Variants in C2orf92 observed in about 807,000 individuals in gnomAD.
C2orf92 encodes the protein uncharacterized protein C2orf92.
exon 1 of C2orf92, chr2:97,664,449 T>A (rs543268397): frequency 6.6e-6 from 1 of 152,310 alleles, no homozygotes; most frequent in Non-Finnish European, 1.5e-5. Flanking sequence ...TCACCCAAAA[T>A]ATTTATTTTT....
intron 6 of C2orf92, among the ~76,000 whole-genome samples, chr2:97,700,896 A>AT (rs796369120): frequency 9.9e-5 from 15 of 151,624 alleles, no homozygotes; most frequent in African/African-American, 2.7e-4. Flanking sequence ...CGCCCGGCTA[A>AT]TTTTTTTTGT....
chr2:97,678,302 G>C (rs1220139774), intron 3 of C2orf92, among the ~76,000 whole-genome samples: 5 of 151,470 alleles, frequency 3.3e-5, no homozygotes, highest in African/African-American at 1.2e-4. Flanking sequence ...AAAATGAATT[G>C]AACATGTGGG....
At chr2:97,676,913 T>C (rs1479774330) in intron 3 of C2orf92, among the ~76,000 whole-genome samples, 4 of 152,186 alleles carry the variant, frequency 2.6e-5, no homozygotes, top group Non-Finnish European at 4.4e-5. Flanking sequence ...GCCTCTAATT[T>C]ACTATTTGAG....
chr2:97,690,435 C>G, intron 5 of C2orf92, 108 bp downstream of exon 5: 2 of 380,426 alleles, frequency 5.3e-6, no homozygotes, highest in Non-Finnish European at 9.3e-6. Context: ...GGCTGGAGTA[C>G]AGCGGTGCAG....
intron 3 of C2orf92, among the ~76,000 whole-genome samples, chr2:97,687,148 TGAGG>T (rs146478942): frequency 0.045 from 6,824 of 152,186 alleles, 485 homozygotes; most frequent in African/African-American, 0.15. Context: ...GAGGATCACT[TGAGG>T]CCAGGAGTTC....
intron 3 of C2orf92, among the ~76,000 whole-genome samples, chr2:97,681,129 A>C (rs1250292899): frequency 1.6e-5 from 2 of 121,364 alleles, no homozygotes; most frequent in Non-Finnish European, 1.7e-5. Flanking sequence ...AAAAAAAAAA[A>C]AAAAGAATTG....
chr2:97,676,229 C>G (rs575356198), intron 3 of C2orf92, among the ~76,000 whole-genome samples: 6 of 151,998 alleles, frequency 3.9e-5, no homozygotes, highest in Admixed American at 2.0e-4. Context: ...CCCAGGCCCT[C>G]GAGATGAGCC....
intron 3 of C2orf92, among the ~76,000 whole-genome samples, chr2:97,678,379 A>G (rs1004682321): frequency 1.3e-5 from 2 of 152,044 alleles, no homozygotes; most frequent in African/African-American, 4.8e-5. Flanking sequence ...AAAGACAGAG[A>G]GATATGAAGA....
chr2:97,679,403 T>G (rs1212434651), intron 3 of C2orf92, among the ~76,000 whole-genome samples: 1 of 152,218 alleles, frequency 6.6e-6, no homozygotes, highest in Non-Finnish European at 1.5e-5. Flanking sequence ...TTGTATACTA[T>G]TGAAACTAAG....
rs552763660 is a variant in C2orf92 at position 97,675,694 on chromosome 2, C to T, written c.149-151C>T. The T allele has an allele frequency of 7.6e-6, 3 of 397,002 alleles. No homozygotes were observed. In the East Asian group the frequency reaches 1.1e-4, roughly 14 times the overall value. 24.6% of individuals were successfully genotyped at this position (397,002 alleles called of 1,614,324 possible). On this transcript the variant is annotated intron_variant, in intron 2 of 7. Transcript: ENST00000627399. ...GAACTTCAGATGCTTGCAGACACTT[C>T]ATGAATGCTCTGTGACACTCAGAAT...
At chr2:97,671,754 T>C (rs1675419383) in intron 1 of C2orf92, 6 of 346,206 alleles carry the variant, frequency 1.7e-5, no homozygotes, top group Non-Finnish European at 3.1e-5. Flanking sequence ...AGATGCCACC[T>C]CACACTAGCT....
intron 3 of C2orf92, among the ~76,000 whole-genome samples, chr2:97,680,598 A>G (rs1559299775): frequency 6.6e-6 from 1 of 152,214 alleles, no homozygotes; most frequent in Non-Finnish European, 1.5e-5. Flanking sequence ...GGATAGTTGG[A>G]GACTTCAGTA....
chr2:97,690,135 C>CA (rs201759698), intron 4 of C2orf92, 121 bp from the exon 5 acceptor site: 4,458 of 313,322 alleles, frequency 0.014, no homozygotes, highest in Non-Finnish European at 0.019. Context: ...TCTCAAAAGA[C>CA]AAAAAAAAAC....
At chr2:97,699,784 C>T (rs1676434180) in intron 6 of C2orf92, among the ~76,000 whole-genome samples, 1 of 152,200 alleles carries the variant, frequency 6.6e-6, no homozygotes, top group South Asian at 2.1e-4. Flanking sequence ...GTACACCCCT[C>T]CACACTGCCA....
chr2:97,687,353 C>G (rs993902718), intron 3 of C2orf92, among the ~76,000 whole-genome samples: 1 of 152,088 alleles, frequency 6.6e-6, no homozygotes, highest in Non-Finnish European at 1.5e-5. Context: ...GGTGACACAG[C>G]GAGACTTTGT....
At chr2:97,676,530 G>T (rs1004346706) in intron 3 of C2orf92, among the ~76,000 whole-genome samples, 1 of 151,766 alleles carries the variant, frequency 6.6e-6, no homozygotes, top group Non-Finnish European at 1.5e-5. Flanking sequence ...AGGCCAAGGT[G>T]GGAGGATTGC....
At chr2:97,688,300 A>C (rs564027071) in intron 3 of C2orf92, among the ~76,000 whole-genome samples, 1 of 152,188 alleles carries the variant, frequency 6.6e-6, no homozygotes, top group African/African-American at 2.4e-5. Flanking sequence ...CTGGAAATAC[A>C]CGGAGAATAA....
At chr2:97,689,852 G>C (rs1421295914) in intron 4 of C2orf92, among the ~76,000 whole-genome samples, 1 of 152,216 alleles carries the variant, frequency 6.6e-6, no homozygotes, top group Non-Finnish European at 1.5e-5. Flanking sequence ...AAACAAGCCA[G>C]GCGCGGTGGC....
intron 1 of C2orf92, chr2:97,672,459 C>T (rs572136454): frequency 1.7e-3 from 263 of 151,374 alleles, no homozygotes; most frequent in African/African-American, 2.6e-3. Flanking sequence ...AGGTAGCACT[C>T]GCAGTCCCCC....
Sources: gnomAD v4.1 joint callset for allele counts (sites outside exome capture counted in the v4.1 genomes callset) on GRCh38, gnomAD v4.1.1 for gene constraint, MANE v1.5 for transcripts, NCBI Gene and HGNC (gene_info 2026-07-23, HGNC 2026-07-21) for gene names.